The following TMEM132E variants were observed in gnomAD, a reference collection of about 807,000 sequenced individuals.
TMEM132E encodes transmembrane protein 132E.
A neutral mutation model predicts 78.5 loss-of-function variants in TMEM132E; 49 were observed. That is an observed-to-expected ratio of 0.62 (90% CI 0.50 to 0.79). The LOEUF is 0.79. Among genes scored for constraint, TMEM132E ranks in the 30% least tolerant of loss-of-function variants. The pLI is 0.00. For missense variants in TMEM132E, 1,403 were observed against 1,470.9 expected (o/e 0.95, Z 0.75); for synonymous variants, 715 against 670.6 (o/e 1.07, Z -1.02).
chr17:34,626,472 C>G lies in TMEM132E; in HGVS notation c.413C>G (p.Ser138Trp). The G allele has an allele frequency of 6.2e-6, 10 of 1,612,858 alleles. No homozygotes were observed. Among genetic ancestry groups the G allele is most frequent in the Non-Finnish European group, 6.8e-6 (8 of 1,179,816 alleles). ...ATCGTCCGCTCGCACGTGCCCGCCT[C>G]GCAGCCCGTGGTCCAGGTGCTGTTC... is the stretch of plus-strand genomic sequence containing the variant. ...AFIVRSHVPA[S>W]QPVVQVLFYV... Residue 138 changes from serine (S) to tryptophan (W), a missense_variant, in exon 2 of 9, where the codon TCG (serine) becomes TGG (tryptophan). Physicochemically the swap from Ser to Trp is radical, Grantham distance 177 (BLOSUM62 -3). Around this residue, in one of 3 missense-constraint regions of TMEM132E, gnomAD observed 511 missense variants for 499.0 expected, o/e 1.02. Coordinates refer to ENST00000631683, the MANE Select transcript of TMEM132E (RefSeq NM_001304438.2).
rs1368981405 is a variant in TMEM132E, at chr17:34,623,119, G to T, written c.68-3008G>T. On this transcript the variant is annotated intron_variant, in intron 1 of 8. Coordinates refer to ENST00000631683, the MANE Select transcript of TMEM132E (RefSeq NM_001304438.2). ...TCAGTGTAATCCAAGAACAGCAAAT[G>T]GTTTGGATGATCCAGGATGTTGGTT... 2.0e-5 allele frequency among the ~76,000 whole-genome samples: 3 copies of T among 152,194 alleles called. No individual in the cohort carries two copies. The South Asian group carries it at 6.2e-4, about 31-fold the overall frequency.
chr17:34,621,683 C>T (rs1226502142), intron 1 of TMEM132E, among the ~76,000 whole-genome samples: 1 of 152,182 alleles, frequency 6.6e-6, no homozygotes, highest in African/African-American at 2.4e-5. Flanking sequence ...AGCAGGCAAA[C>T]TGGTCTGCAG....
chr17:34,621,698 A>C (rs1906963116), intron 1 of TMEM132E, among the ~76,000 whole-genome samples: 2 of 152,172 alleles, frequency 1.3e-5, no homozygotes, highest in Non-Finnish European at 2.9e-5. Flanking sequence ...CTGCAGGGCA[A>C]GCTGGGGTCA....
At chr17:34,609,945 C>T (rs370984279) in intron 1 of TMEM132E, among the ~76,000 whole-genome samples, 93 of 152,290 alleles carry the variant, frequency 6.1e-4, no homozygotes, top group African/African-American at 2.2e-3. Context: ...GCCACTCAAT[C>T]CAAACCTGCC....
intron 5 of TMEM132E, among the ~76,000 whole-genome samples, chr17:34,631,989 T>C (rs1223301041): frequency 1.3e-5 from 2 of 152,194 alleles, no homozygotes; most frequent in African/African-American, 4.8e-5. Flanking sequence ...TCAGCAGGCA[T>C]GTGGTTTCCA....
At chr17:34,629,629 T>C (rs944711097) in intron 4 of TMEM132E, among the ~76,000 whole-genome samples, 4 of 150,962 alleles carry the variant, frequency 2.6e-5, no homozygotes, top group Non-Finnish European at 5.9e-5. Flanking sequence ...TGTCATGGAG[T>C]GGTAGGGCTG....
chr17:34,607,334 C>T (rs1906448398), intron 1 of TMEM132E, among the ~76,000 whole-genome samples: 1 of 152,182 alleles, frequency 6.6e-6, no homozygotes, highest in African/African-American at 2.4e-5. Flanking sequence ...CCAGGTGACA[C>T]GTGCTCAGGC....
intron 1 of TMEM132E, among the ~76,000 whole-genome samples, chr17:34,608,723 C>A (rs1906495443): frequency 6.6e-6 from 1 of 152,212 alleles, no homozygotes; most frequent in African/African-American, 2.4e-5. Context: ...AGCCGTGGAC[C>A]ATTCAAACCA....
intron 1 of TMEM132E, among the ~76,000 whole-genome samples, chr17:34,585,515 C>A (rs1597673961): frequency 6.6e-6 from 1 of 152,200 alleles, no homozygotes; most frequent in South Asian, 2.1e-4. Flanking sequence ...GAGGAACCAC[C>A]AAATCCAACC....
intron 1 of TMEM132E, among the ~76,000 whole-genome samples, chr17:34,618,696 C>G (rs1369235041): frequency 6.6e-6 from 1 of 152,160 alleles, no homozygotes; most frequent in Non-Finnish European, 1.5e-5. Context: ...GAGGAGTGCA[C>G]CAGTTCTTTA....
chr17:34,629,991 C>A lies in TMEM132E; in HGVS notation c.1339-17C>A, dbSNP rs113519753. The stretch of plus-strand genomic sequence containing the variant: ...AAGGGGACCACAAGTAGAGCCCCCC[C>A]CTTCTCCTCCCTGCAGGACACAGAG... On this transcript the variant is annotated splice_polypyrimidine_tract_variant and intron_variant, in intron 4 of 8. Transcript: ENST00000631683. The A allele has an allele frequency of 2.3e-4, 360 of 1,589,952 alleles. 3 individuals carry two copies. Among genetic ancestry groups the A allele is most frequent in the South Asian group, 1.8e-3 (159 of 89,608 alleles).
intron 2 of TMEM132E, among the ~76,000 whole-genome samples, chr17:34,627,651 TA>T (rs1193783992): frequency 6.6e-6 from 1 of 152,148 alleles, no homozygotes; most frequent in Non-Finnish European, 1.5e-5. Context: ...AAAATGATAA[TA>T]TTTCACACTA....
chr17:34,637,593 C>A lies in TMEM132E; in HGVS notation c.2586C>A (p.Pro862=), dbSNP rs768630171. Residue 862 remains proline (P), a synonymous_variant, in exon 9 of 9, where the codon CCC becomes CCA. Coordinates refer to ENST00000631683, the MANE Select transcript of TMEM132E (RefSeq NM_001304438.2). Reference sequence around the variant, plus strand: ...CTCCAGGCCCGGGCACCGCCAGCCCCGTCGTGCCACCCACAGAAGACTTCC... The same window carrying A: ...CTCCAGGCCCGGGCACCGCCAGCCCAGTCGTGCCACCCACAGAAGACTTCC... ...PEAPGPGTAS[P]VVPPTEDFLP... is the part of the protein sequence containing the mutation. The A allele has an allele frequency of 1.9e-6, 3 of 1,601,192 alleles. No individual in the cohort carries two copies. The highest frequency in any genetic ancestry group is 4.5e-5 in the East Asian group (2 of 44,810).
intron 6 of TMEM132E, 47 bp from the exon 7 acceptor site, chr17:34,634,752 T>C: frequency 6.4e-7 from 1 of 1,559,606 alleles, no homozygotes; most frequent in Non-Finnish European, 8.7e-7. Context: ...ACTGTGCAGG[T>C]CAGAGTCCAG....
At chr17:34,615,336 G>A (rs967319894) in intron 1 of TMEM132E, among the ~76,000 whole-genome samples, 1 of 152,012 alleles carries the variant, frequency 6.6e-6, no homozygotes, top group African/African-American at 2.4e-5. Flanking sequence ...CCCCCTCCCC[G>A]ATTCCTCTGC....
intron 1 of TMEM132E, among the ~76,000 whole-genome samples, chr17:34,585,669 C>T (rs144977147): frequency 5.2e-4 from 79 of 152,338 alleles, no homozygotes; most frequent in African/African-American, 1.9e-3. Context: ...CCTCTACTAT[C>T]CCCTCTCTCT....
chr17:34,612,557 G>A (rs931768538), intron 1 of TMEM132E, among the ~76,000 whole-genome samples: 3 of 152,166 alleles, frequency 2.0e-5, no homozygotes, highest in Non-Finnish European at 4.4e-5. Flanking sequence ...CCTTTTCTAG[G>A]CCTCAGTTAA....
At chr17:34,588,721 G>T (rs1905761521) in intron 1 of TMEM132E, among the ~76,000 whole-genome samples, 1 of 152,118 alleles carries the variant, frequency 6.6e-6, no homozygotes. Context: ...TATGTTCAAA[G>T]GCAACGAGTG....
At chr17:34,589,974 G>A (rs765922653) in intron 1 of TMEM132E, among the ~76,000 whole-genome samples, 21 of 152,142 alleles carry the variant, frequency 1.4e-4, no homozygotes, top group Non-Finnish European at 2.2e-4. Flanking sequence ...GGCTGTACTC[G>A]GCAGGATAAA....
Sources: gnomAD v4.1 joint callset for allele counts (sites outside exome capture counted in the v4.1 genomes callset) on GRCh38, gnomAD v4.1.1 for gene constraint, gnomAD v4.1.1 regional missense constraint, MANE v1.5 for transcripts, NCBI Gene and HGNC (gene_info 2026-07-23, HGNC 2026-07-21) for gene names.